The following ARHGAP26 variants were observed in gnomAD, a reference collection of about 807,000 sequenced individuals.
The protein encoded by ARHGAP26 is Rho GTPase activating protein 26.
In ARHGAP26, 38 loss-of-function variants were observed where a neutral mutation model predicts 104.8. The ratio of observed to expected loss-of-function variants is 0.36; its 90% confidence interval spans 0.28 to 0.48. The LOEUF is 0.48. Ranked by LOEUF, ARHGAP26 falls within the 20% of genes least tolerant of loss-of-function variation. ARHGAP26 has a pLI of 0.99. For missense variants in ARHGAP26, 704 were observed against 947.9 expected (o/e 0.74, Z 3.38); for synonymous variants, 341 against 340.0 (o/e 1.00, Z -0.03).
At chr5:143,087,869 G>A (rs1288621431) in intron 17 of ARHGAP26, among the ~76,000 whole-genome samples, 4 of 151,250 alleles carry the variant, frequency 2.6e-5, no homozygotes, top group Admixed American at 1.3e-4. Context: ...GGCTGGTCTC[G>A]AACTCCTGAC....
chr5:142,908,465 C>G (rs1473759253), intron 9 of ARHGAP26, among the ~76,000 whole-genome samples: 1 of 152,204 alleles, frequency 6.6e-6, no homozygotes, highest in Admixed American at 6.5e-5. Context: ...CTCCCAGGGC[C>G]TCGCCATTTG....
chr5:142,859,253 A>G (rs568320149), intron 1 of ARHGAP26, among the ~76,000 whole-genome samples: 1 of 152,312 alleles, frequency 6.6e-6, no homozygotes, highest in African/African-American at 2.4e-5. Flanking sequence ...CATGGACCCA[A>G]GTCTTTCTCA....
intron 11 of ARHGAP26, among the ~76,000 whole-genome samples, chr5:142,945,236 T>C (rs1276307519): frequency 6.6e-6 from 1 of 152,206 alleles, no homozygotes; most frequent in Non-Finnish European, 1.5e-5. Context: ...CTGAGGGATA[T>C]GGGTCTCTGC....
intron 1 of ARHGAP26, among the ~76,000 whole-genome samples, chr5:142,806,653 T>C (rs1763045487): frequency 6.6e-6 from 1 of 152,200 alleles, no homozygotes; most frequent in East Asian, 1.9e-4. Flanking sequence ...TCTAGAGTGA[T>C]GCCTGGACGA....
intron 11 of ARHGAP26, among the ~76,000 whole-genome samples, chr5:142,972,750 C>T (rs544924116): frequency 2.6e-5 from 4 of 152,210 alleles, no homozygotes; most frequent in South Asian, 2.1e-4. Context: ...ACTTACTCAT[C>T]CTATATATTT....
intron 11 of ARHGAP26, among the ~76,000 whole-genome samples, chr5:142,961,281 A>G (rs563221770): frequency 2.6e-5 from 4 of 152,094 alleles, no homozygotes; most frequent in East Asian, 1.9e-4. Context: ...GCTTGAGCCC[A>G]GGAGTTCCAG....
At chr5:142,892,893 T>A (rs1410000057) in intron 5 of ARHGAP26, among the ~76,000 whole-genome samples, 1 of 152,130 alleles carries the variant, frequency 6.6e-6, no homozygotes, top group Non-Finnish European at 1.5e-5. Flanking sequence ...TCCTACTGTG[T>A]TCTGAAATAC....
intron 17 of ARHGAP26, among the ~76,000 whole-genome samples, chr5:143,082,078 G>A (rs865971166): frequency 2.0e-5 from 3 of 151,562 alleles, no homozygotes; most frequent in Non-Finnish European, 4.4e-5. Context: ...ATCTGTTGCT[G>A]GGGACGTTTG....
chr5:142,772,041 T>C (rs1013351524), intron 1 of ARHGAP26, among the ~76,000 whole-genome samples: 1 of 152,250 alleles, frequency 6.6e-6, no homozygotes, highest in African/African-American at 2.4e-5. Flanking sequence ...GTGATGGATT[T>C]CTTAGTAGGT....
chr5:143,059,656 A>C (rs1786403106), intron 17 of ARHGAP26, among the ~76,000 whole-genome samples: 1 of 152,018 alleles, frequency 6.6e-6, no homozygotes, highest in African/African-American at 2.4e-5. Flanking sequence ...ACCTTGACAC[A>C]TTTTTGTTTT....
intron 20 of ARHGAP26, among the ~76,000 whole-genome samples, chr5:143,191,866 G>C (rs1805967638): frequency 6.6e-6 from 1 of 152,190 alleles, no homozygotes; most frequent in Non-Finnish European, 1.5e-5. Flanking sequence ...GCCTGTCTTA[G>C]GCAAGCCGAC....
At chr5:142,776,821 T>C (rs1486489213) in intron 1 of ARHGAP26, among the ~76,000 whole-genome samples, 44 of 152,348 alleles carry the variant, frequency 2.9e-4, no homozygotes. Flanking sequence ...AACTTGTGTT[T>C]ATTTAAAAAA....
At chr5:143,212,235 C>T (rs1336254072) in intron 21 of ARHGAP26, among the ~76,000 whole-genome samples, 2 of 151,956 alleles carry the variant, frequency 1.3e-5, no homozygotes, top group Non-Finnish European at 2.9e-5. Flanking sequence ...CTGGATTCTC[C>T]TTTCACCTTC....
chr5:142,949,176 A>AGAGAGAGAGAGAGAG (rs1767679983), intron 11 of ARHGAP26, among the ~76,000 whole-genome samples: 5 of 3,108 alleles, frequency 1.6e-3, no homozygotes, highest in Non-Finnish European at 5.0e-3. Context: ...AGAGAGAGAG[A>AGAGAGAGAGAGAGAG]GAGAGAGAGA....
At chr5:143,005,389 ATGAG>A (rs770660292) in intron 11 of ARHGAP26, among the ~76,000 whole-genome samples, 7 of 152,376 alleles carry the variant, frequency 4.6e-5, no homozygotes, top group Non-Finnish European at 5.9e-5. Context: ...GTAATAAAAA[ATGAG>A]TGAGTGTCAT....
At chr5:142,822,759 T>C (rs1179267260) in intron 1 of ARHGAP26, among the ~76,000 whole-genome samples, 3 of 152,206 alleles carry the variant, frequency 2.0e-5, no homozygotes, top group Non-Finnish European at 4.4e-5. Context: ...TTACTGGTCT[T>C]CATCTGGAAC....
intron 10 of ARHGAP26, among the ~76,000 whole-genome samples, chr5:142,915,333 T>C (rs745440018): frequency 2.0e-5 from 3 of 151,744 alleles, no homozygotes; most frequent in Non-Finnish European, 4.4e-5. Context: ...CATGGTTCAG[T>C]TGAGGGGGCT....
intron 12 of ARHGAP26, chr5:143,014,372 CT>C: frequency 1.8e-6 from 1 of 554,838 alleles, no homozygotes; most frequent in Non-Finnish European, 3.2e-6. Flanking sequence ...ACAAAGCATT[CT>C]CGTGTACATT....
rs1430621692 is a variant in ARHGAP26 at position 143,226,528 on chromosome 5, C to G, written c.*4082C>G. Reference sequence around the variant, plus strand: ...AAAAGAATGCCATGCCAGGAGAAGACAGCTGGTTTCAAATCCCTGCCCCCA... The same window carrying G: ...AAAAGAATGCCATGCCAGGAGAAGAGAGCTGGTTTCAAATCCCTGCCCCCA... On this transcript the variant is annotated 3_prime_UTR_variant, in exon 23 of 23. Transcript: ENST00000645722. 5.2e-6 allele frequency: 1 copy of G among 191,128 alleles called. No individual in the cohort carries two copies. The highest frequency in any genetic ancestry group is 6.2e-5 in the Admixed American group (1 of 16,156). The allele number at this position is 191,128 out of a possible 1,614,324, so 11.8% of individuals were successfully genotyped here.
Sources: allele counts gnomAD v4.1 joint callset (sites outside exome capture counted in the v4.1 genomes callset), GRCh38; gene constraint gnomAD v4.1.1; transcripts MANE v1.5; gene names NCBI Gene and HGNC (gene_info 2026-07-23, HGNC 2026-07-21).